GREM2: variants seen among roughly 807,000 people sequenced by gnomAD.
GREM2 encodes gremlin-2.
Under a neutral mutation model 14.2 loss-of-function variants are expected in GREM2, and 11 were observed. The observed-to-expected ratio is 0.78, with a 90% CI of 0.49 to 1.28. GREM2 has a LOEUF of 1.28. GREM2 is among the 50% of genes most tolerant of loss of function. The probability of loss-of-function intolerance (pLI) is 0.00; values close to 1 mark genes in which losing one functional copy is unlikely to be tolerated. For synonymous variants in GREM2, 98 were observed against 97.6 expected (o/e 1.00, Z -0.02); for missense variants, 210 against 218.5 (o/e 0.96, Z 0.24).
rs1400358959 is a variant in GREM2, at chr1:240,556,927, T to C, written c.-2+54957A>G. Among the ~76,000 whole-genome samples, 3 of 152,272 alleles carry C rather than the reference T, an allele frequency of 2.0e-5. No individual in the cohort carries two copies. In the East Asian group the frequency reaches 5.8e-4, roughly 29 times the overall value. ...GGCTCAGGCTGTAATCCTAGCACTTTGGGAGGCCAAGGTGGGTGGATTGCC... is the reference window on the plus strand; with the variant it reads ...GGCTCAGGCTGTAATCCTAGCACTTCGGGAGGCCAAGGTGGGTGGATTGCC... On this transcript the variant is annotated intron_variant, in intron 1 of 1. Coordinates refer to ENST00000318160, the MANE Select transcript of GREM2 (RefSeq NM_022469.4).
chr1:240,518,319 G>A (rs947113329), intron 1 of GREM2, among the ~76,000 whole-genome samples: 1 of 152,174 alleles, frequency 6.6e-6, no homozygotes, highest in African/African-American at 2.4e-5. Flanking sequence ...TCTTGGAATA[G>A]AGAGATGCTT....
intron 1 of GREM2, among the ~76,000 whole-genome samples, chr1:240,496,147 G>A (rs1230022821): frequency 6.6e-6 from 1 of 152,088 alleles, no homozygotes; most frequent in Non-Finnish European, 1.5e-5. Flanking sequence ...ATGTTGGCCA[G>A]GCTGGTCTCG....
At chr1:240,507,055 G>C (rs895239721) in intron 1 of GREM2, among the ~76,000 whole-genome samples, 3 of 152,182 alleles carry the variant, frequency 2.0e-5, no homozygotes, top group African/African-American at 7.2e-5. Flanking sequence ...AGAGAATATC[G>C]GAGGAAGAGC....
At chr1:240,514,354 G>C (rs1677904321) in intron 1 of GREM2, among the ~76,000 whole-genome samples, 1 of 151,836 alleles carries the variant, frequency 6.6e-6, no homozygotes, top group South Asian at 2.1e-4. Flanking sequence ...AAGACTAGAG[G>C]AAGAAGAGTC....
At position 240,491,999 on chromosome 1, in the gene GREM2, T is replaced by G. The variant is rs540722806; in HGVS notation, c.*970A>C. On this transcript the variant is annotated 3_prime_UTR_variant, in exon 2 of 2. Coordinates refer to ENST00000318160, the MANE Select transcript of GREM2 (RefSeq NM_022469.4). ...CTAAAAATAGGTGCATGACAGTGAA[T>G]TGCTGACCAGGCATTTTTTTTTCTG... is the stretch of plus-strand genomic sequence containing the variant. 3 of 204,706 alleles carry G rather than the reference T, an allele frequency of 1.5e-5. 1 individual carries two copies. The highest frequency in any genetic ancestry group is 3.1e-5 in the Non-Finnish European group (3 of 95,258). The allele number at this position is 204,706 out of a possible 1,614,324, so 12.7% of individuals were successfully genotyped here.
chr1:240,527,027 C>T (rs1441595639), intron 1 of GREM2, among the ~76,000 whole-genome samples: 2 of 152,042 alleles, frequency 1.3e-5, no homozygotes, highest in Non-Finnish European at 2.9e-5. Context: ...AGTGAGATGG[C>T]TGAGAAGTAA....
chr1:240,502,597 C>A (rs1414001334), intron 1 of GREM2, among the ~76,000 whole-genome samples: 1 of 152,146 alleles, frequency 6.6e-6, no homozygotes, highest in African/African-American at 2.4e-5. Context: ...CCCAAATGTC[C>A]TGTAGGCACC....
At position 240,492,979 on chromosome 1, in the gene GREM2, T is replaced by C; in HGVS notation, c.497A>G (p.Asp166Gly). 1 of 1,542,058 alleles carries C rather than the reference T, an allele frequency of 6.5e-7. No individual in the cohort carries two copies. The highest frequency in any genetic ancestry group is 8.8e-7 in the Non-Finnish European group (1 of 1,139,060). The change falls in exon 2 of 2, where the codon GAC becomes GGC. Residue 166 changes from aspartate (D) to glycine (G), a missense_variant. Coordinates refer to ENST00000318160, the MANE Select transcript of GREM2 (RefSeq NM_022469.4). ...CGTCCGGCCCGGCGCTCACTGCTTG[T>C]CCGAGTCGCTCAGGTTCACGGACAT... is the stretch of plus-strand genomic sequence containing the variant. ...RCMSVNLSDS[D>G]KQ
At chr1:240,523,134 C>T (rs1678140197) in intron 1 of GREM2, among the ~76,000 whole-genome samples, 1 of 152,126 alleles carries the variant, frequency 6.6e-6, no homozygotes, top group Non-Finnish European at 1.5e-5. Flanking sequence ...TCACTCTTGC[C>T]CAGGTTGGGG....
chr1:240,526,535 G>A (rs141627220), intron 1 of GREM2, among the ~76,000 whole-genome samples: 1 of 152,016 alleles, frequency 6.6e-6, no homozygotes, highest in African/African-American at 2.4e-5. Context: ...TCGGTGCCAC[G>A]GCCTAGATCA....
At chr1:240,552,590 A>G (rs1225876439) in intron 1 of GREM2, among the ~76,000 whole-genome samples, 2 of 152,150 alleles carry the variant, frequency 1.3e-5, no homozygotes, top group Non-Finnish European at 2.9e-5. Flanking sequence ...TATCTCTAAA[A>G]TCGTTTTAAA....
intron 1 of GREM2, among the ~76,000 whole-genome samples, chr1:240,508,108 C>T (rs1384179700): frequency 6.6e-6 from 1 of 152,132 alleles, no homozygotes; most frequent in Non-Finnish European, 1.5e-5. Context: ...TTAACCTTCT[C>T]CTCCAAATAC....
intron 1 of GREM2, among the ~76,000 whole-genome samples, chr1:240,526,960 G>A (rs965506910): frequency 6.6e-5 from 10 of 152,126 alleles, no homozygotes; most frequent in African/African-American, 1.9e-4. Flanking sequence ...AACCCTATTA[G>A]CTGATGTTCT....
At chr1:240,606,441 T>C (rs1680025437) in intron 1 of GREM2, among the ~76,000 whole-genome samples, 1 of 152,152 alleles carries the variant, frequency 6.6e-6, no homozygotes, top group African/African-American at 2.4e-5. Context: ...AACAATGCCA[T>C]AGATTTTCGG....
At chr1:240,581,289 C>T (rs1005222558) in intron 1 of GREM2, among the ~76,000 whole-genome samples, 1 of 151,878 alleles carries the variant, frequency 6.6e-6, no homozygotes, top group South Asian at 2.1e-4. Context: ...AAGAAACAGC[C>T]TAAGTTTGTC....
intron 1 of GREM2, among the ~76,000 whole-genome samples, chr1:240,536,564 T>A (rs992431093): frequency 3.9e-5 from 6 of 152,032 alleles, no homozygotes; most frequent in African/African-American, 1.5e-4. Flanking sequence ...AAAATATGGG[T>A]CAGGAGTTTA....
intron 1 of GREM2, among the ~76,000 whole-genome samples, chr1:240,553,971 T>C (rs925610387): frequency 2.6e-5 from 4 of 152,208 alleles, no homozygotes; most frequent in African/African-American, 9.6e-5. Context: ...AGGGGCTTGT[T>C]GGCATTCTGT....
At chr1:240,531,154 T>C (rs1002165518) in intron 1 of GREM2, among the ~76,000 whole-genome samples, 3 of 152,188 alleles carry the variant, frequency 2.0e-5, no homozygotes, top group African/African-American at 7.2e-5. Flanking sequence ...ATATAGAAGA[T>C]CCCACTTGGA....
intron 1 of GREM2, among the ~76,000 whole-genome samples, chr1:240,579,206 G>A (rs1679433695): frequency 6.6e-6 from 1 of 152,212 alleles, no homozygotes; most frequent in African/African-American, 2.4e-5. Flanking sequence ...TTGTGGAGAA[G>A]TCTAGAAGGT....
Sources: allele counts gnomAD v4.1 joint callset (sites outside exome capture counted in the v4.1 genomes callset), GRCh38; gene constraint gnomAD v4.1.1; transcripts MANE v1.5; gene names NCBI Gene and HGNC (gene_info 2026-07-23, HGNC 2026-07-21).